TDP1: variants seen among roughly 807,000 people sequenced by gnomAD.
TDP1 encodes the protein tyrosyl-DNA phosphodiesterase 1, also known as tyr-DNA phosphodiesterase 1.
TDP1 carries 64 observed loss-of-function variants against 81.5 expected under a neutral mutation model. That is an observed-to-expected ratio of 0.79 (90% CI 0.64 to 0.97). The LOEUF is 0.97. TDP1 is among the 50% of genes least tolerant of loss of function. The probability of loss-of-function intolerance (pLI) is 0.00; values close to 1 mark genes in which losing one functional copy is unlikely to be tolerated. For missense variants in TDP1, 723 were observed against 743.8 expected (o/e 0.97, Z 0.33); for synonymous variants, 256 against 264.3 (o/e 0.97, Z 0.30).
intron 14 of TDP1, among the ~76,000 whole-genome samples, chr14:89,994,501 T>C (rs1420686994): frequency 6.6e-6 from 1 of 152,260 alleles, no homozygotes; most frequent in African/African-American, 2.4e-5. Context: ...TTACGTATTA[T>C]TGATTCTGTT....
At chr14:89,965,529 C>G (rs938667966) in intron 3 of TDP1, among the ~76,000 whole-genome samples, 1 of 152,118 alleles carries the variant, frequency 6.6e-6, no homozygotes, top group Admixed American at 6.5e-5. Flanking sequence ...TGGAAGGTCA[C>G]GATGATGGTG....
chr14:89,984,465 A>T, intron 8 of TDP1, 51 bp from the exon 9 acceptor site: 1 of 1,612,548 alleles, frequency 6.2e-7, no homozygotes, highest in East Asian at 2.2e-5. Flanking sequence ...TACAGAGATC[A>T]TTATGATCAG....
chr14:89,999,901 C>G (rs1897042045), intron 14 of TDP1, among the ~76,000 whole-genome samples: 2 of 152,216 alleles, frequency 1.3e-5, no homozygotes, highest in African/African-American at 4.8e-5. Context: ...AATATATGAT[C>G]ACAAACTATA....
intron 11 of TDP1, 35 bp from the exon 12 acceptor site, chr14:89,989,682 C>A: frequency 3.9e-6 from 6 of 1,529,162 alleles, no homozygotes; most frequent in Non-Finnish European, 5.4e-6. Context: ...CAACATGGTA[C>A]ATTCCGAGTT....
At chr14:90,017,233 C>T (rs1885421486) in intron 14 of TDP1, among the ~76,000 whole-genome samples, 1 of 151,394 alleles carries the variant, frequency 6.6e-6, no homozygotes, top group Non-Finnish European at 1.5e-5. Flanking sequence ...CACACACACT[C>T]CCCCCACCCT....
chr14:89,956,418 T>G (rs1444696163), intron 1 of TDP1, 160 bp from the exon 2 acceptor site: 1 of 152,320 alleles, frequency 6.6e-6, no homozygotes, highest in East Asian at 1.9e-4. Flanking sequence ...GAGTTTACAC[T>G]TGGTGAGGCG....
intron 2 of TDP1, 109 bp downstream of exon 2, chr14:89,956,909 A>C (rs901393028): frequency 8.5e-5 from 13 of 152,228 alleles, no homozygotes; most frequent in Admixed American, 6.5e-4. Flanking sequence ...AAAAAAATAA[A>C]TGTAAATCGG....
chr14:90,036,869 G>T (rs939053744), intron 16 of TDP1, among the ~76,000 whole-genome samples: 1 of 148,932 alleles, frequency 6.7e-6, no homozygotes, highest in Non-Finnish European at 1.5e-5. Context: ...GACTGCAGTG[G>T]CATGGTCTCA....
intron 16 of TDP1, among the ~76,000 whole-genome samples, chr14:90,035,748 T>TTTTTTTTA (rs1449576788): frequency 6.6e-6 from 1 of 151,254 alleles, no homozygotes; most frequent in African/African-American, 2.4e-5. Flanking sequence ...TTTTTTTTTT[T>TTTTTTTTA]AACCCAAGTT....
chr14:89,987,094 G>A (rs1275051476), intron 10 of TDP1: 1 of 152,226 alleles, frequency 6.6e-6, no homozygotes, highest in Non-Finnish European at 1.5e-5. Flanking sequence ...CAGCTGCCTG[G>A]AGCTCAAGTG....
intron 15 of TDP1, among the ~76,000 whole-genome samples, chr14:90,031,072 C>G (rs1012187197): frequency 6.6e-6 from 1 of 152,004 alleles, no homozygotes; most frequent in African/African-American, 2.4e-5. Flanking sequence ...CACACTCAGC[C>G]TTTCCCACTT....
At position 90,033,096 on chromosome 14, in the gene TDP1, G is replaced by T; in HGVS notation, c.1645-10G>T. Reference sequence around the variant, plus strand: ...GGGTGCAATCATAGATTTCCTCTGTGTGTCTGCAGGGTCTAGACAGTTTCA... The same window carrying T: ...GGGTGCAATCATAGATTTCCTCTGTTTGTCTGCAGGGTCTAGACAGTTTCA... On this transcript the variant is annotated splice_polypyrimidine_tract_variant and intron_variant, in intron 15 of 16. Transcript: ENST00000335725. The T allele has an allele frequency of 1.3e-6, 2 of 1,571,776 alleles. No individual in the cohort carries two copies. Among genetic ancestry groups the T allele is most frequent in the Non-Finnish European group, 1.8e-6 (2 of 1,142,010 alleles).
chr14:89,961,828 G>A (rs567389391), intron 2 of TDP1, among the ~76,000 whole-genome samples: 1 of 152,218 alleles, frequency 6.6e-6, no homozygotes, highest in Non-Finnish European at 1.5e-5. Flanking sequence ...CACCATCTTG[G>A]TTTACTCCAC....
intron 14 of TDP1, among the ~76,000 whole-genome samples, chr14:90,017,932 C>T (rs1885505610): frequency 1.3e-5 from 2 of 152,190 alleles, no homozygotes; most frequent in Admixed American, 1.3e-4. Context: ...TTCCTGTCCT[C>T]AATATGGTTC....
At chr14:90,034,292 T>G (rs946087341) in intron 16 of TDP1, among the ~76,000 whole-genome samples, 1 of 152,170 alleles carries the variant, frequency 6.6e-6, no homozygotes, top group Non-Finnish European at 1.5e-5. Flanking sequence ...AATACTACAA[T>G]GAAAATAATG....
At chr14:90,038,156 G>A (rs34593218) in intron 16 of TDP1, among the ~76,000 whole-genome samples, 15,099 of 152,168 alleles carry the variant, frequency 0.099, 1,718 homozygotes, top group African/African-American at 0.27. Flanking sequence ...ACCAGGTTGT[G>A]AATAATTGTT....
rs780684064 is a variant in TDP1 at position 89,988,969 on chromosome 14, C to G, written c.1196C>G (p.Ser399Ter). The change falls in exon 11 of 17, where the codon TCA (serine) becomes TGA (stop). Residue 399 changes from serine (S) to a stop codon, truncating the protein, a stop_gained. Transcript: ENST00000335725. LOFTEE classifies it high-confidence loss of function. ...AESWPVVGQF[S>*]SVGSLGADES... ...TCCTGGCCTGTCGTAGGTCAGTTTT[C>G]AAGCGTTGGCTCCTTGGGAGCCGAT... The G allele has an allele frequency of 2.5e-6, 4 of 1,614,200 alleles. No individual in the cohort carries two copies. The South Asian group carries it at 3.3e-5, about 13-fold the overall frequency.
intron 14 of TDP1, among the ~76,000 whole-genome samples, chr14:89,998,372 T>TTACA (rs1896824272): frequency 1.9e-5 from 1 of 53,148 alleles, no homozygotes; most frequent in Admixed American, 1.9e-4. Flanking sequence ...TCCAAGCACA[T>TTACA]TATATATATA....
chr14:89,989,216 CG>C, intron 11 of TDP1, 126 bp downstream of exon 11: 5 of 915,892 alleles, frequency 5.5e-6, no homozygotes, highest in Admixed American at 3.5e-5. Flanking sequence ...TTTGGCGTGG[CG>C]GGGGCGGGGT....
Sources: allele counts gnomAD v4.1 joint callset (sites outside exome capture counted in the v4.1 genomes callset), GRCh38; gene constraint gnomAD v4.1.1; transcripts MANE v1.5; gene names NCBI Gene and HGNC (gene_info 2026-07-23, HGNC 2026-07-21).